Variants in HCRTR2 observed in about 807,000 individuals in gnomAD.
HCRTR2 encodes orexin receptor type 2.
HCRTR2 carries 22 observed loss-of-function variants against 49.0 expected under a neutral mutation model. The ratio of observed to expected loss-of-function variants is 0.45; its 90% CI spans 0.32 to 0.64. The LOEUF (loss-of-function observed/expected upper bound fraction) is 0.64. HCRTR2 is among the 30% of genes least tolerant of loss of function. The probability of loss-of-function intolerance (pLI) is 0.04; values close to 1 mark genes in which losing one functional copy is unlikely to be tolerated. For missense variants in HCRTR2, 491 were observed against 559.4 expected, an observed-to-expected ratio of 0.88 and a Z score of 1.23; for synonymous variants, 236 against 205.3, an observed-to-expected ratio of 1.15 and a Z score of -1.28.
chr6:55,135,291 T>C (rs1764418364), intron 1 of HCRTR2, among the ~76,000 whole-genome samples: 1 of 152,078 alleles, frequency 6.6e-6, no homozygotes, highest in Non-Finnish European at 1.5e-5. Flanking sequence ...AAAGATAATT[T>C]TGTAGAGAGA....
chr6:55,208,077 C>T (rs988299500), intron 1 of HCRTR2, among the ~76,000 whole-genome samples: 4 of 152,006 alleles, frequency 2.6e-5, no homozygotes, highest in Non-Finnish European at 4.4e-5. Flanking sequence ...TGAAAAATCA[C>T]GGATTGTTAC....
In HCRTR2 at chr6:55,210,214, T is replaced by C. The variant is rs140101789; in HGVS notation, c.223+35404T>C. 1.2e-3 allele frequency among the ~76,000 whole-genome samples: 184 copies of C among 152,304 alleles called. 1 individual carries two copies. The East Asian group carries it at 0.018, about 15-fold the overall frequency. ...TAGGCAGGTATGCTTATTTAAAGTATGTATGCATACATACTTTAAACTACT... is the reference window on the plus strand; with the variant it reads ...TAGGCAGGTATGCTTATTTAAAGTACGTATGCATACATACTTTAAACTACT... On this transcript the variant is annotated intron_variant, in intron 1 of 6. Transcript: ENST00000370862.
rs112079678 is a variant in HCRTR2, at chr6:55,187,921, C to T, written c.223+13111C>T. Among the ~76,000 whole-genome samples, 627 of 152,028 alleles carry T rather than the reference C, an allele frequency of 4.1e-3. 3 individuals carry two copies. Among genetic ancestry groups the T allele is most frequent in the African/African-American group, 0.014 (581 of 41,496 alleles). On this transcript the variant is annotated intron_variant, in intron 1 of 6. Transcript: ENST00000370862. ...CCTCCCGAGTAGCTGGGACTACAGG[C>T]GCACGCCACCATGCCCGGCTAATTT...
intron 1 of HCRTR2, among the ~76,000 whole-genome samples, chr6:55,243,213 C>T (rs975794970): frequency 6.6e-6 from 1 of 152,148 alleles, no homozygotes; most frequent in African/African-American, 2.4e-5. Context: ...TTCAAGAATT[C>T]ACTGAATCTG....
intron 1 of HCRTR2, among the ~76,000 whole-genome samples, chr6:55,183,914 C>A (rs114484952): frequency 6.6e-6 from 1 of 151,802 alleles, no homozygotes; most frequent in South Asian, 2.1e-4. Context: ...ATTTGAGAAG[C>A]AATTTCTCTT....
chr6:55,127,850 A>G (rs899514950), intron 1 of HCRTR2, among the ~76,000 whole-genome samples: 9 of 151,966 alleles, frequency 5.9e-5, no homozygotes, highest in Non-Finnish European at 1.2e-4. Context: ...AGTTTGTAAA[A>G]TTTTTCTCCA....
intron 1 of HCRTR2, among the ~76,000 whole-genome samples, chr6:55,187,144 T>C (rs1765229830): frequency 6.6e-6 from 1 of 151,880 alleles, no homozygotes; most frequent in Admixed American, 6.6e-5. Context: ...TGGTGGCTCA[T>C]GCCTGTAATC....
intron 1 of HCRTR2, among the ~76,000 whole-genome samples, chr6:55,194,159 A>G (rs1213726438): frequency 6.6e-6 from 1 of 152,194 alleles, no homozygotes; most frequent in Middle Eastern, 3.2e-3. Context: ...GAGAAGTAGA[A>G]TCTTAAAAAC....
At chr6:55,188,899 A>G (rs547268004) in intron 1 of HCRTR2, among the ~76,000 whole-genome samples, 4 of 152,222 alleles carry the variant, frequency 2.6e-5, no homozygotes, top group Admixed American at 6.5e-5. Context: ...ACATGTGAAT[A>G]CGATTTTGAA....
intron 2 of HCRTR2, among the ~76,000 whole-genome samples, chr6:55,251,061 G>A (rs954959374): frequency 2.0e-5 from 3 of 152,108 alleles, no homozygotes; most frequent in Non-Finnish European, 4.4e-5. Context: ...GTGCCAATGG[G>A]CAATAAACAT....
chr6:55,174,374 G>T, upstream of HCRTR2: 1 of 583,508 alleles, frequency 1.7e-6, no homozygotes, highest in Non-Finnish European at 3.1e-6. Context: ...CTATCTTCCC[G>T]GTGCAACATC....
intron 1 of HCRTR2, among the ~76,000 whole-genome samples, chr6:55,125,057 T>A (rs1483932927): frequency 6.6e-6 from 1 of 152,146 alleles, no homozygotes; most frequent in East Asian, 1.9e-4. Flanking sequence ...GGGTCTTGAC[T>A]CTTTATCCAA....
chr6:55,122,446 T>C (rs1259892031), intron 1 of HCRTR2, among the ~76,000 whole-genome samples: 4 of 152,146 alleles, frequency 2.6e-5, no homozygotes, highest in Admixed American at 2.6e-4. Context: ...TGAAGGGTTT[T>C]TTGTGTCTCT....
At chr6:55,217,920 G>T (rs1341272716) in intron 1 of HCRTR2, among the ~76,000 whole-genome samples, 1 of 152,140 alleles carries the variant, frequency 6.6e-6, no homozygotes, top group Non-Finnish European at 1.5e-5. Context: ...GTTCTCCAGA[G>T]AGACAAAACC....
At chr6:55,163,880 T>C (rs9382457) in intron 1 of HCRTR2, among the ~76,000 whole-genome samples, 14 of 152,028 alleles carry the variant, frequency 9.2e-5, no homozygotes, top group African/African-American at 3.4e-4. Flanking sequence ...TCTGTCCATC[T>C]GATAAAGGGC....
chr6:55,276,926 T>G (rs977980174), intron 4 of HCRTR2, among the ~76,000 whole-genome samples: 1 of 152,168 alleles, frequency 6.6e-6, no homozygotes, highest in Non-Finnish European at 1.5e-5. Context: ...TTAAGTTCTA[T>G]CTCTCTGGCA....
At chr6:55,197,025 C>T (rs1282621659) in intron 1 of HCRTR2, among the ~76,000 whole-genome samples, 1 of 152,134 alleles carries the variant, frequency 6.6e-6, no homozygotes, top group Non-Finnish European at 1.5e-5. Context: ...ATTAACAACC[C>T]TACCTCTGTA....
intron 4 of HCRTR2, among the ~76,000 whole-genome samples, chr6:55,270,899 A>C (rs1340122881): frequency 6.6e-6 from 1 of 152,190 alleles, no homozygotes; most frequent in Non-Finnish European, 1.5e-5. Flanking sequence ...AACTTAAAGA[A>C]GGACTACCTA....
intron 1 of HCRTR2, among the ~76,000 whole-genome samples, chr6:55,156,760 C>T (rs1764736957): frequency 6.6e-6 from 1 of 151,934 alleles, no homozygotes; most frequent in Non-Finnish European, 1.5e-5. Flanking sequence ...TGAAAATCAA[C>T]CAGTGCAATA....
Sources: allele counts gnomAD v4.1 joint callset (sites outside exome capture counted in the v4.1 genomes callset), GRCh38; gene constraint gnomAD v4.1.1; transcripts MANE v1.5; gene names NCBI Gene and HGNC (gene_info 2026-07-23, HGNC 2026-07-21).